Variants in ARHGAP15 observed in about 807,000 individuals in gnomAD.
The protein encoded by ARHGAP15 is rho GTPase-activating protein 15.
Under a neutral mutation model 63.7 loss-of-function variants are expected in ARHGAP15, and 51 were observed. That is an observed-to-expected ratio of 0.80 (90% CI 0.64 to 1.01). The LOEUF is 1.01. Ranked by LOEUF, ARHGAP15 falls within the 50% of genes least tolerant of loss-of-function variation. The probability of loss-of-function intolerance (pLI) is 0.00; values close to 1 mark genes in which losing one functional copy is unlikely to be tolerated. For synonymous variants in ARHGAP15, 191 were observed against 193.8 expected (o/e 0.99, Z 0.12); for missense variants, 560 against 564.6 (o/e 0.99, Z 0.08).
At chr2:143,525,201 G>C (rs965257075) in intron 10 of ARHGAP15, among the ~76,000 whole-genome samples, 1 of 152,098 alleles carries the variant, frequency 6.6e-6, no homozygotes, top group Non-Finnish European at 1.5e-5. Flanking sequence ...CTTCCATGAA[G>C]AATGTGCAAT....
rs567294744 is a variant in ARHGAP15 at position 143,376,703 on chromosome 2, T to A, written c.475-58898T>A. Among the ~76,000 whole-genome samples the A allele has an allele frequency of 4.6e-5, 7 of 152,006 alleles. No homozygotes were observed. In the East Asian group the frequency reaches 1.4e-3, roughly 29 times the overall value. On this transcript the variant is annotated intron_variant, in intron 6 of 13. Coordinates refer to ENST00000295095, the MANE Select transcript of ARHGAP15 (RefSeq NM_018460.4). ...CATTAATATTATAATAATTTAATAT[T>A]TAATTTAAATTCATACTTTAATTTA... is the stretch of plus-strand genomic sequence containing the variant.
chr2:143,236,007 A>G, intron 5 of ARHGAP15: 1 of 1,538,418 alleles, frequency 6.5e-7, no homozygotes, highest in Non-Finnish European at 8.8e-7. Context: ...GCAAATCTCC[A>G]TTTTTGGTTA....
intron 12 of ARHGAP15, among the ~76,000 whole-genome samples, chr2:143,645,435 CATT>C (rs1392684386): frequency 2.0e-5 from 3 of 152,004 alleles, no homozygotes; most frequent in Non-Finnish European, 4.4e-5. Flanking sequence ...CTTTCTTCAA[CATT>C]ATTATTTTCT....
intron 4 of ARHGAP15, among the ~76,000 whole-genome samples, chr2:143,227,352 A>G (rs114200217): frequency 6.6e-6 from 1 of 152,276 alleles, no homozygotes; most frequent in African/African-American, 2.4e-5. Context: ...GACTCAATAC[A>G]TATGTATTTT....
intron 6 of ARHGAP15, among the ~76,000 whole-genome samples, chr2:143,364,298 T>C (rs932594758): frequency 6.6e-6 from 1 of 152,222 alleles, no homozygotes; most frequent in Non-Finnish European, 1.5e-5. Context: ...ACTCTTGTGC[T>C]ATTATATAAC....
At chr2:143,626,869 C>T (rs1574727889) in intron 12 of ARHGAP15, among the ~76,000 whole-genome samples, 1 of 152,190 alleles carries the variant, frequency 6.6e-6, no homozygotes, top group East Asian at 1.9e-4. Flanking sequence ...GTTTGTTTCC[C>T]ATCAAAATGT....
chr2:143,674,852 T>C (rs1682745907), intron 12 of ARHGAP15, among the ~76,000 whole-genome samples: 2 of 152,180 alleles, frequency 1.3e-5, no homozygotes, highest in Admixed American at 1.3e-4. Context: ...CTTGCCTCCA[T>C]GTTAATGGTC....
At chr2:143,511,386 C>A (rs1398085399) in intron 9 of ARHGAP15, among the ~76,000 whole-genome samples, 1 of 152,142 alleles carries the variant, frequency 6.6e-6, no homozygotes, top group Non-Finnish European at 1.5e-5. Flanking sequence ...AATGATCACA[C>A]TGGCCAAGGT....
At chr2:143,161,485 T>C (rs1215076007) in intron 2 of ARHGAP15, among the ~76,000 whole-genome samples, 2 of 151,956 alleles carry the variant, frequency 1.3e-5, no homozygotes, top group African/African-American at 2.4e-5. Context: ...GCTTTAGGAG[T>C]TCCGTCTTTG....
intron 5 of ARHGAP15, among the ~76,000 whole-genome samples, chr2:143,234,674 C>A (rs941464158): frequency 6.6e-6 from 1 of 152,126 alleles, no homozygotes; most frequent in East Asian, 1.9e-4. Flanking sequence ...ATATTTCCTT[C>A]GGTTTGGAGA....
chr2:143,572,700 ACT>A (rs2105124420), intron 11 of ARHGAP15, among the ~76,000 whole-genome samples: 1 of 152,008 alleles, frequency 6.6e-6, no homozygotes, highest in African/African-American at 2.4e-5. Context: ...GACTCATGAA[ACT>A]CTTGTCTCTG....
intron 8 of ARHGAP15, among the ~76,000 whole-genome samples, chr2:143,441,905 T>G (rs1178449771): frequency 1.3e-5 from 2 of 152,186 alleles, no homozygotes; most frequent in Non-Finnish European, 2.9e-5. Flanking sequence ...TAATGACATG[T>G]GCAATAAGGG....
chr2:143,734,672 C>T (rs899733333), intron 13 of ARHGAP15, among the ~76,000 whole-genome samples: 6 of 152,134 alleles, frequency 3.9e-5, no homozygotes, highest in African/African-American at 1.2e-4. Context: ...AATCAATTAA[C>T]TCATATAATT....
intron 2 of ARHGAP15, among the ~76,000 whole-genome samples, chr2:143,195,250 T>A (rs1251324087): frequency 1.3e-5 from 2 of 152,112 alleles, no homozygotes; most frequent in Non-Finnish European, 2.9e-5. Flanking sequence ...TGCTTCTGAA[T>A]GTCCACTATG....
At chr2:143,294,690 T>C (rs1210124462) in intron 6 of ARHGAP15, among the ~76,000 whole-genome samples, 3 of 152,062 alleles carry the variant, frequency 2.0e-5, no homozygotes, top group East Asian at 1.9e-4. Flanking sequence ...GGACAGCCAC[T>C]TTCCAGCATC....
chr2:143,508,313 T>A (rs779381939), intron 9 of ARHGAP15, among the ~76,000 whole-genome samples: 2 of 152,236 alleles, frequency 1.3e-5, no homozygotes, highest in Non-Finnish European at 2.9e-5. Context: ...TCTGCTCAGA[T>A]GCCATTGCCT....
At chr2:143,750,020 A>T (rs1164004606) in intron 13 of ARHGAP15, among the ~76,000 whole-genome samples, 1 of 152,210 alleles carries the variant, frequency 6.6e-6, no homozygotes, top group Non-Finnish European at 1.5e-5. Flanking sequence ...ACCAAATCAG[A>T]ATCTCTGTGC....
chr2:143,345,862 A>G (rs933655587), intron 6 of ARHGAP15, among the ~76,000 whole-genome samples: 1 of 152,086 alleles, frequency 6.6e-6, no homozygotes, highest in Admixed American at 6.6e-5. Context: ...GGAAAGCAAC[A>G]AACAGTGGCT....
At chr2:143,413,927 T>G (rs980701728) in intron 6 of ARHGAP15, among the ~76,000 whole-genome samples, 2 of 127,992 alleles carry the variant, frequency 1.6e-5, no homozygotes, top group South Asian at 2.9e-4. Flanking sequence ...AGGTAGGTAG[T>G]TGTGTGTGTG....
Sources: allele counts gnomAD v4.1 joint callset (sites outside exome capture counted in the v4.1 genomes callset), GRCh38; gene constraint gnomAD v4.1.1; transcripts MANE v1.5; gene names NCBI Gene and HGNC (gene_info 2026-07-23, HGNC 2026-07-21).